The following B3GALT1 variants were observed in gnomAD, a reference collection of about 807,000 sequenced individuals.
B3GALT1 encodes the protein UDP-Gal:betaGlcNAc beta 1,3-galactosyltransferase, polypeptide 1.
Under a neutral mutation model 23.2 loss-of-function variants are expected in B3GALT1, and 10 were observed. The observed-to-expected ratio is 0.43, with a 90% CI of 0.27 to 0.73. The LOEUF (loss-of-function observed/expected upper bound fraction) is 0.73. Ranked by LOEUF, B3GALT1 falls within the 30% of genes least tolerant of loss-of-function variation. B3GALT1 has a pLI of 0.21. For missense variants in B3GALT1, 299 were observed against 405.4 expected (o/e 0.74, Z 2.25); for synonymous variants, 156 against 141.5 (o/e 1.10, Z -0.73).
intron 1 of B3GALT1, among the ~76,000 whole-genome samples, chr2:167,370,231 C>T (rs757971728): frequency 1.3e-5 from 2 of 152,040 alleles, no homozygotes; most frequent in Non-Finnish European, 2.9e-5. Context: ...TTTAGATTCC[C>T]GCCTCTTAAA....
rs554466079 is a variant in B3GALT1 at position 167,564,195 on chromosome 2, C to A, written c.-410+73918C>A. Reference sequence around the variant, plus strand: ...CTCCTCACTTCTCAGACGGGGCGGCCGGGCAGAGACGCTCCTCACATCCCG... The same window carrying A: ...CTCCTCACTTCTCAGACGGGGCGGCAGGGCAGAGACGCTCCTCACATCCCG... On this transcript the variant is annotated intron_variant, in intron 2 of 4. Coordinates refer to ENST00000392690, the MANE Select transcript of B3GALT1 (RefSeq NM_020981.4). 6.7e-5 allele frequency among the ~76,000 whole-genome samples: 10 copies of A among 149,652 alleles called. No homozygotes were observed. The South Asian group carries it at 1.3e-3, about 19-fold the overall frequency.
At chr2:167,620,390 G>A (rs1431899) in intron 2 of B3GALT1, among the ~76,000 whole-genome samples, 116,600 of 151,976 alleles carry the variant, frequency 0.77, 44,860 homozygotes, top group Admixed American at 0.84. Context: ...GACTCAAGTT[G>A]TACAGATCTT....
Position 167,868,875 on chromosome 2 carries a change from G to A in B3GALT1, c.-165G>A, listed in dbSNP as rs185272164. The A allele has an allele frequency of 7.5e-5, 55 of 729,740 alleles. No homozygotes were observed. The highest frequency in any genetic ancestry group is 5.5e-4 in the East Asian group (21 of 38,300). 45.2% of individuals were successfully genotyped at this position (729,740 alleles called of 1,614,324 possible). Reference sequence around the variant, plus strand: ...AGATTTGGAAGAAAGTAGAATGAGCGCAGAGGTGACAGACAGCCACTGAGG... The same window carrying A: ...AGATTTGGAAGAAAGTAGAATGAGCACAGAGGTGACAGACAGCCACTGAGG... On this transcript the variant is annotated 5_prime_UTR_variant, in exon 5 of 5. Transcript: ENST00000392690.
At chr2:167,336,550 A>AT (rs941361563) in intron 1 of B3GALT1, among the ~76,000 whole-genome samples, 64 of 152,226 alleles carry the variant, frequency 4.2e-4, no homozygotes, top group East Asian at 5.8e-4. Context: ...ATTACTGATT[A>AT]TTTTTTATAG....
intron 2 of B3GALT1, among the ~76,000 whole-genome samples, chr2:167,626,054 G>T (rs149563217): frequency 6.8e-6 from 1 of 147,130 alleles, no homozygotes; most frequent in East Asian, 2.0e-4. Flanking sequence ...ACAATTTTCA[G>T]CTCAACTGAA....
At chr2:167,437,154 A>G (rs1381231983) in intron 1 of B3GALT1, among the ~76,000 whole-genome samples, 2 of 152,170 alleles carry the variant, frequency 1.3e-5, no homozygotes, top group African/African-American at 2.4e-5. Context: ...TTTCCGTACC[A>G]AAGTGTTCTG....
At chr2:167,691,951 A>C (rs538493626) in intron 3 of B3GALT1, among the ~76,000 whole-genome samples, 2 of 152,284 alleles carry the variant, frequency 1.3e-5, no homozygotes, top group South Asian at 4.1e-4. Flanking sequence ...ATCACATGCT[A>C]AATATATGTG....
intron 1 of B3GALT1, among the ~76,000 whole-genome samples, chr2:167,402,801 A>T (rs1049058812): frequency 6.6e-6 from 1 of 152,148 alleles, no homozygotes; most frequent in African/African-American, 2.4e-5. Flanking sequence ...CAGATTTCTG[A>T]AGTTCCTGAG....
intron 1 of B3GALT1, among the ~76,000 whole-genome samples, chr2:167,487,695 T>C (rs902393409): frequency 1.2e-4 from 18 of 152,180 alleles, no homozygotes; most frequent in African/African-American, 3.9e-4. Context: ...AAAATGGGAT[T>C]GCCCACAGAA....
intron 4 of B3GALT1, among the ~76,000 whole-genome samples, chr2:167,864,656 G>T (rs552321424): frequency 6.6e-6 from 1 of 152,312 alleles, no homozygotes; most frequent in East Asian, 1.9e-4. Flanking sequence ...CCAAGATATT[G>T]CCTATGTCTC....
rs1370092531 is a variant in B3GALT1 at position 167,512,637 on chromosome 2, C to CGTATATATATATAT, written c.-410+22360_-410+22361insGTATATATATATAT. ...ATATATATACGTGTATATATATATA[C>CGTATATATATATAT]ATATATATATATATTTTGAGATAGG... On this transcript the variant is annotated intron_variant, in intron 2 of 4. Transcript: ENST00000392690. 9.7e-4 allele frequency among the ~76,000 whole-genome samples: 63 copies of CGTATATATATATAT among 64,944 alleles called. 5 individuals are homozygous for CGTATATATATATAT. Among genetic ancestry groups the CGTATATATATATAT allele is most frequent in the African/African-American group, 4.8e-3 (62 of 12,820 alleles). 42.6% of individuals were successfully genotyped at this position (64,944 alleles called of 152,430 possible).
chr2:167,764,071 T>G (rs1309038253), intron 3 of B3GALT1, among the ~76,000 whole-genome samples: 1 of 152,230 alleles, frequency 6.6e-6, no homozygotes, highest in South Asian at 2.1e-4. Flanking sequence ...GACACAAAAT[T>G]ACTTTTATCT....
At chr2:167,572,714 T>TG (rs1244329845) in intron 2 of B3GALT1, among the ~76,000 whole-genome samples, 1 of 151,700 alleles carries the variant, frequency 6.6e-6, no homozygotes, top group Non-Finnish European at 1.5e-5. Flanking sequence ...ATACTGCCCT[T>TG]GATGTGATCA....
intron 2 of B3GALT1, among the ~76,000 whole-genome samples, chr2:167,551,696 G>T (rs1286763188): frequency 6.6e-6 from 1 of 152,118 alleles, no homozygotes; most frequent in African/African-American, 2.4e-5. Flanking sequence ...CCCAGATGAG[G>T]TGCCTTTTTC....
At chr2:167,409,934 C>T (rs994728837) in intron 1 of B3GALT1, among the ~76,000 whole-genome samples, 13 of 151,918 alleles carry the variant, frequency 8.6e-5, no homozygotes, top group Admixed American at 6.6e-5. Context: ...TGGGTATATA[C>T]CCAAAGGATG....
intron 2 of B3GALT1, among the ~76,000 whole-genome samples, chr2:167,644,705 G>A (rs949223358): frequency 6.7e-5 from 10 of 149,224 alleles, no homozygotes; most frequent in African/African-American, 2.2e-4. Flanking sequence ...GCTTGAACCC[G>A]GGAGGCGGAG....
At position 167,863,508 on chromosome 2, in the gene B3GALT1, CTT is replaced by C. The variant is rs561360964; in HGVS notation, c.-229-5301_-229-5300del. On this transcript the variant is annotated intron_variant, in intron 4 of 4. Transcript: ENST00000392690. The stretch of plus-strand genomic sequence containing the variant: ...TAAAACAGATTTATTTGTGCCCTCT[CTT>C]TATGTTTAAGGCTACTGAGACACAG... 5.4e-3 allele frequency among the ~76,000 whole-genome samples: 822 copies of C among 152,314 alleles called. 4 individuals are homozygous for C. The highest frequency in any genetic ancestry group is 8.7e-3 in the Non-Finnish European group (591 of 68,030).
intron 2 of B3GALT1, among the ~76,000 whole-genome samples, chr2:167,576,968 C>T (rs903282425): frequency 2.6e-5 from 4 of 151,808 alleles, no homozygotes; most frequent in Non-Finnish European, 5.9e-5. Context: ...TTTCTCCCAT[C>T]TGTCCTTATT....
At chr2:167,392,145 CG>C (rs1698022711) in intron 1 of B3GALT1, among the ~76,000 whole-genome samples, 1 of 151,658 alleles carries the variant, frequency 6.6e-6, no homozygotes, top group Non-Finnish European at 1.5e-5. Context: ...TTGAGTCCTA[CG>C]AGTAAACTAG....
Sources: gnomAD v4.1 joint callset for allele counts (sites outside exome capture counted in the v4.1 genomes callset) on GRCh38, gnomAD v4.1.1 for gene constraint, MANE v1.5 for transcripts, NCBI Gene and HGNC (gene_info 2026-07-23, HGNC 2026-07-21) for gene names.